GRM8: variants seen among roughly 807,000 people sequenced by gnomAD.
GRM8 encodes the protein metabotropic glutamate receptor 8.
A neutral mutation model predicts 87.2 loss-of-function variants in GRM8; 47 were observed. The observed-to-expected ratio is 0.54, with a 90% CI of 0.43 to 0.69. The LOEUF (loss-of-function observed/expected upper bound fraction) is 0.69. Ranked by LOEUF, GRM8 falls within the 30% of genes least tolerant of loss-of-function variation. The probability of loss-of-function intolerance (pLI) is 0.00; values close to 1 mark genes in which losing one functional copy is unlikely to be tolerated. For synonymous variants in GRM8, 396 were observed against 404.5 expected (o/e 0.98, Z 0.25); for missense variants, 1,019 against 1,139.2 (o/e 0.89, Z 1.52).
intron 3 of GRM8, among the ~76,000 whole-genome samples, chr7:126,997,845 C>G (rs1157729506): frequency 6.6e-6 from 1 of 151,748 alleles, no homozygotes; most frequent in Non-Finnish European, 1.5e-5. Context: ...GTGCTGAATT[C>G]CACCAGACAT....
At chr7:127,234,831 G>A (rs1439882830) in intron 2 of GRM8, among the ~76,000 whole-genome samples, 1 of 152,078 alleles carries the variant, frequency 6.6e-6, no homozygotes, top group Non-Finnish European at 1.5e-5. Flanking sequence ...AGTCTTCCTA[G>A]GAAGGCATTA....
At chr7:127,059,470 G>A (rs752237647) in intron 3 of GRM8, among the ~76,000 whole-genome samples, 9 of 151,746 alleles carry the variant, frequency 5.9e-5, no homozygotes, top group Admixed American at 2.6e-4. Context: ...CTGAGTAGCT[G>A]GAATTACAGG....
At chr7:126,460,595 T>G (rs1803788713) in intron 9 of GRM8, among the ~76,000 whole-genome samples, 1 of 151,676 alleles carries the variant, frequency 6.6e-6, no homozygotes, top group South Asian at 2.1e-4. Context: ...AAAAGAGAGC[T>G]TAGTTGTTGC....
At position 126,622,429 on chromosome 7, in the gene GRM8, G is replaced by A. The variant is rs531598438; in HGVS notation, c.1358-12931C>T. ...AACACCTTCCTTCCCCTGTCATTCC[G>A]GCTTGCTTCATACGTTTCCACTGAG... On this transcript the variant is annotated intron_variant, in intron 7 of 10. Transcript: ENST00000339582. Among the ~76,000 whole-genome samples, 12 of 151,818 alleles carry A rather than the reference G, an allele frequency of 7.9e-5. 1 individual carries two copies. In the East Asian group the frequency reaches 1.9e-3, roughly 25 times the overall value.
intron 3 of GRM8, among the ~76,000 whole-genome samples, chr7:127,103,966 A>T (rs887070153): frequency 6.6e-6 from 1 of 152,182 alleles, no homozygotes; most frequent in Non-Finnish European, 1.5e-5. Flanking sequence ...CGCAAAGGAC[A>T]CTTTCCCAAG....
At chr7:127,088,171 C>G (rs1394071645) in intron 3 of GRM8, among the ~76,000 whole-genome samples, 1 of 152,180 alleles carries the variant, frequency 6.6e-6, no homozygotes, top group East Asian at 1.9e-4. Flanking sequence ...AGTGAGAAGT[C>G]CTGTTAGGGA....
At chr7:127,218,847 C>T (rs140190434) in intron 2 of GRM8, among the ~76,000 whole-genome samples, 1 of 152,366 alleles carries the variant, frequency 6.6e-6, no homozygotes, top group African/African-American at 2.4e-5. Flanking sequence ...TTCTAGCACA[C>T]AACACTTTCA....
At chr7:126,504,761 A>G (rs1444280654) in intron 9 of GRM8, among the ~76,000 whole-genome samples, 1 of 152,090 alleles carries the variant, frequency 6.6e-6, no homozygotes, top group African/African-American at 2.4e-5. Context: ...ATATGACATT[A>G]ATTGATTGCC....
chr7:126,899,947 C>T (rs1342999643), intron 6 of GRM8, among the ~76,000 whole-genome samples: 1 of 152,108 alleles, frequency 6.6e-6, no homozygotes, highest in Non-Finnish European at 1.5e-5. Flanking sequence ...CCCTGCAGCA[C>T]TGAAACCTCA....
chr7:127,143,199 G>C (rs745550564), intron 2 of GRM8, among the ~76,000 whole-genome samples: 3 of 152,068 alleles, frequency 2.0e-5, no homozygotes, highest in Non-Finnish European at 2.9e-5. Flanking sequence ...AAGCCTGTTG[G>C]AAGGGAAGGA....
At chr7:127,040,588 C>A (rs1211954493) in intron 3 of GRM8, among the ~76,000 whole-genome samples, 1 of 119,664 alleles carries the variant, frequency 8.4e-6, no homozygotes, top group Admixed American at 9.3e-5. Context: ...CTGCAAGTTA[C>A]TTCTGTATTC....
At chr7:126,635,317 T>G (rs903573827) in intron 7 of GRM8, among the ~76,000 whole-genome samples, 19 of 152,334 alleles carry the variant, frequency 1.2e-4, no homozygotes, top group African/African-American at 4.1e-4. Flanking sequence ...CTTATAGCTA[T>G]TTATGCTCAT....
At chr7:127,225,109 C>A (rs1325545090) in intron 2 of GRM8, among the ~76,000 whole-genome samples, 1 of 152,206 alleles carries the variant, frequency 6.6e-6, no homozygotes, top group Admixed American at 6.5e-5. Context: ...CAAGGAGAAA[C>A]TGAAGAGGAG....
chr7:126,880,499 T>C (rs953189435), intron 6 of GRM8, among the ~76,000 whole-genome samples: 1 of 152,178 alleles, frequency 6.6e-6, no homozygotes, highest in Non-Finnish European at 1.5e-5. Flanking sequence ...GTCCAAGAGC[T>C]AGAAATGAGA....
At chr7:126,474,483 G>C (rs535358430) in intron 9 of GRM8, among the ~76,000 whole-genome samples, 1 of 152,098 alleles carries the variant, frequency 6.6e-6, no homozygotes, top group South Asian at 2.1e-4. Flanking sequence ...TGCCCAGGCT[G>C]GTCTTGAATT....
chr7:126,746,810 C>T (rs867690142), intron 7 of GRM8, among the ~76,000 whole-genome samples: 3 of 151,296 alleles, frequency 2.0e-5, no homozygotes, highest in Middle Eastern at 3.4e-3. Context: ...CTCAATAAAG[C>T]GCGAAATGTC....
intron 6 of GRM8, among the ~76,000 whole-genome samples, chr7:126,848,133 G>A (rs1446859546): frequency 1.3e-5 from 2 of 152,124 alleles, no homozygotes; most frequent in Non-Finnish European, 2.9e-5. Flanking sequence ...ATGAGAGAGA[G>A]GAGAAAATAA....
At chr7:126,524,180 A>T (rs545268869) in intron 9 of GRM8, among the ~76,000 whole-genome samples, 20 of 152,084 alleles carry the variant, frequency 1.3e-4, no homozygotes, top group African/African-American at 4.8e-4. Flanking sequence ...ACAAAAAGTT[A>T]AAAAAAATCC....
chr7:126,496,937 G>A (rs965361829), intron 9 of GRM8, among the ~76,000 whole-genome samples: 2 of 148,390 alleles, frequency 1.3e-5, no homozygotes, highest in Non-Finnish European at 3.0e-5. Context: ...ATGCATATCT[G>A]TGCTTTATTC....
Sources: gnomAD v4.1 joint callset for allele counts (sites outside exome capture counted in the v4.1 genomes callset) on GRCh38, gnomAD v4.1.1 for gene constraint, MANE v1.5 for transcripts, NCBI Gene and HGNC (gene_info 2026-07-23, HGNC 2026-07-21) for gene names.